Variants in ANKS1B observed in about 807,000 individuals in gnomAD.
The protein encoded by ANKS1B is ankyrin repeat and sterile alpha motif domain-containing protein 1B.
A neutral mutation model predicts 148.3 loss-of-function variants in ANKS1B; 36 were observed. The ratio of observed to expected loss-of-function variants is 0.24; its 90% CI spans 0.19 to 0.32. The LOEUF (loss-of-function observed/expected upper bound fraction) is 0.32. ANKS1B is among the 10% of genes least tolerant of loss of function. The pLI is 1.00. For missense variants in ANKS1B, 1,157 were observed against 1,542.6 expected (o/e 0.75, Z 4.19); for synonymous variants, 542 against 560.8 (o/e 0.97, Z 0.47).
intron 16 of ANKS1B, among the ~76,000 whole-genome samples, chr12:99,067,118 A>G (rs979616925): frequency 2.6e-5 from 4 of 152,232 alleles, no homozygotes; most frequent in African/African-American, 4.8e-5. Context: ...AGAGGTTTCA[A>G]TTAAATAGCT....
chr12:99,580,675 T>C (rs934598544), intron 9 of ANKS1B, among the ~76,000 whole-genome samples: 1 of 152,198 alleles, frequency 6.6e-6, no homozygotes, highest in Non-Finnish European at 1.5e-5. Context: ...AGTTCTATTG[T>C]TCAATAGCAC....
At chr12:99,225,690 C>A (rs2085815499) in intron 14 of ANKS1B, among the ~76,000 whole-genome samples, 1 of 152,224 alleles carries the variant, frequency 6.6e-6, no homozygotes, top group African/African-American at 2.4e-5. Context: ...CCTGAAACAA[C>A]AGACTCCAGG....
intron 12 of ANKS1B, among the ~76,000 whole-genome samples, chr12:99,271,627 T>A (rs1470028404): frequency 1.4e-5 from 2 of 140,074 alleles, no homozygotes; most frequent in Admixed American, 1.4e-4. Flanking sequence ...ATGAGACACA[T>A]CATATATTTA....
intron 17 of ANKS1B, among the ~76,000 whole-genome samples, chr12:98,835,994 TC>T (rs774660893): frequency 4.2e-4 from 64 of 152,266 alleles, no homozygotes; most frequent in Admixed American, 8.5e-4. Flanking sequence ...ATAAAACCAT[TC>T]TCATTTTAGA....
At chr12:99,562,705 A>T (rs980112303) in intron 9 of ANKS1B, among the ~76,000 whole-genome samples, 2 of 152,158 alleles carry the variant, frequency 1.3e-5, no homozygotes, top group Admixed American at 1.3e-4. Flanking sequence ...AAACCATCAG[A>T]TCTTGTGAAA....
intron 14 of ANKS1B, among the ~76,000 whole-genome samples, chr12:99,227,290 T>C (rs2086098193): frequency 6.6e-6 from 1 of 152,166 alleles, no homozygotes; most frequent in South Asian, 2.1e-4. Context: ...AAGTGCCTGC[T>C]CCCGCTTTGA....
chr12:99,864,260 C>T (rs149185906), intron 1 of ANKS1B, among the ~76,000 whole-genome samples: 246 of 152,128 alleles, frequency 1.6e-3, no homozygotes, highest in African/African-American at 5.5e-3. Context: ...ATTAATATTC[C>T]TATGGCACAA....
chr12:98,917,656 C>A (rs1251502644), intron 17 of ANKS1B, among the ~76,000 whole-genome samples: 4 of 152,134 alleles, frequency 2.6e-5, no homozygotes. Context: ...TTATTTATCC[C>A]AGTTAATGAA....
chr12:99,918,760 T>G (rs368375698), intron 1 of ANKS1B, among the ~76,000 whole-genome samples: 2 of 152,322 alleles, frequency 1.3e-5, no homozygotes, highest in Admixed American at 6.5e-5. Flanking sequence ...CAAGTATTAT[T>G]TAATATAGTT....
intron 10 of ANKS1B, among the ~76,000 whole-genome samples, chr12:99,444,137 GAATAT>G (rs1051242301): frequency 4.6e-5 from 7 of 151,918 alleles, no homozygotes; most frequent in Non-Finnish European, 8.8e-5. Context: ...TAACTAAAAA[GAATAT>G]AATTTTATGA....
chr12:99,431,742 A>T (rs2095375356), intron 11 of ANKS1B, among the ~76,000 whole-genome samples: 1 of 152,240 alleles, frequency 6.6e-6, no homozygotes, highest in Non-Finnish European at 1.5e-5. Flanking sequence ...TAAGTAAATC[A>T]GCACAGCACT....
At chr12:99,673,155 C>A (rs2098546407) in intron 8 of ANKS1B, among the ~76,000 whole-genome samples, 1 of 151,850 alleles carries the variant, frequency 6.6e-6, no homozygotes, top group African/African-American at 2.4e-5. Flanking sequence ...ACGAAATAAT[C>A]AAAAATATAA....
chr12:99,464,955 C>G (rs567268653), intron 10 of ANKS1B, among the ~76,000 whole-genome samples: 1 of 152,156 alleles, frequency 6.6e-6, no homozygotes, highest in Non-Finnish European at 1.5e-5. Context: ...CACAAAGATA[C>G]TCCTCGAGAA....
chr12:99,225,254 A>C (rs1601836237), intron 14 of ANKS1B, among the ~76,000 whole-genome samples: 1 of 152,192 alleles, frequency 6.6e-6, no homozygotes, highest in African/African-American at 2.4e-5. Flanking sequence ...AAAGCTGGAA[A>C]AGAGTTTCTT....
At chr12:99,305,583 T>C (rs376861530) in intron 12 of ANKS1B, among the ~76,000 whole-genome samples, 4 of 152,238 alleles carry the variant, frequency 2.6e-5, no homozygotes, top group African/African-American at 7.2e-5. Context: ...TAAAGATTCT[T>C]ACTCTCAGAA....
rs1003181576 is a variant in ANKS1B at position 99,085,864 on chromosome 12, G to A, written c.2527-841C>T. Among the ~76,000 whole-genome samples the A allele has an allele frequency of 2.6e-5, 4 of 152,232 alleles. 1 individual carries two copies. The Middle Eastern group carries it at 0.01, about 388-fold the overall frequency. The stretch of plus-strand genomic sequence containing the variant: ...TAATACACGCTGGCGCCTGTTGGAG[G>A]GTGGAGGATGGAGGAGGGAGAGGAT... On this transcript the variant is annotated intron_variant, in intron 15 of 26. Coordinates refer to ENST00000683438, the MANE Select transcript of ANKS1B (RefSeq NM_001352186.2).
intron 2 of ANKS1B, among the ~76,000 whole-genome samples, chr12:99,814,766 G>A (rs967232996): frequency 1.3e-5 from 2 of 151,654 alleles, no homozygotes; most frequent in Non-Finnish European, 3.0e-5. Context: ...AACAGTTATG[G>A]TGTGAATCAA....
At chr12:98,975,024 CCCTTCCTTCCTTTT>C (rs1332725697) in intron 17 of ANKS1B, among the ~76,000 whole-genome samples, 33 of 138,584 alleles carry the variant, frequency 2.4e-4, no homozygotes, top group South Asian at 1.1e-3. Flanking sequence ...TCCCTCCCCT[CCCTTCCTTCCTTTT>C]CCTTCCTTCC....
chr12:99,743,971 A>C (rs983989175), intron 8 of ANKS1B, among the ~76,000 whole-genome samples: 39 of 152,224 alleles, frequency 2.6e-4, no homozygotes, highest in Admixed American at 1.2e-3. Flanking sequence ...GCCTAAAGCC[A>C]ATGGTGATAC....
Sources: allele counts gnomAD v4.1 joint callset (sites outside exome capture counted in the v4.1 genomes callset), GRCh38; gene constraint gnomAD v4.1.1; transcripts MANE v1.5; gene names NCBI Gene and HGNC (gene_info 2026-07-23, HGNC 2026-07-21).